Variants in FRMD4B observed in about 807,000 individuals in gnomAD.
The protein encoded by FRMD4B is FERM domain containing 4B.
FRMD4B carries 74 observed loss-of-function variants against 141.5 expected under a neutral mutation model. The observed-to-expected ratio is 0.52, with a 90% CI of 0.43 to 0.63. FRMD4B has a LOEUF of 0.63. Among genes scored for constraint, FRMD4B ranks in the 30% least tolerant of loss-of-function variants. The pLI is 0.00. For synonymous variants in FRMD4B, 506 were observed against 467.9 expected (o/e 1.08, Z -1.05); for missense variants, 1,366 against 1,253.4 (o/e 1.09, Z -1.36).
At chr3:69,239,170 C>T (rs1243879462) in intron 7 of FRMD4B, among the ~76,000 whole-genome samples, 1 of 152,164 alleles carries the variant, frequency 6.6e-6, no homozygotes, top group East Asian at 1.9e-4. Context: ...GAAGCTCAGC[C>T]TAGAAACTCA....
intron 1 of FRMD4B, among the ~76,000 whole-genome samples, chr3:69,444,131 C>CCACCAAA (rs1705379142): frequency 6.6e-6 from 1 of 152,136 alleles, no homozygotes; most frequent in Non-Finnish European, 1.5e-5. Context: ...TTCCCCATTC[C>CCACCAAA]CTAGCCCCCT....
intron 1 of FRMD4B, among the ~76,000 whole-genome samples, chr3:69,326,852 A>C (rs1702206924): frequency 6.6e-6 from 1 of 152,236 alleles, no homozygotes; most frequent in South Asian, 2.1e-4. Flanking sequence ...ATTTTCAGAA[A>C]AACATGCAGG....
At chr3:69,455,382 A>G (rs953224648) in intron 1 of FRMD4B, among the ~76,000 whole-genome samples, 2 of 152,142 alleles carry the variant, frequency 1.3e-5, no homozygotes, top group Non-Finnish European at 2.9e-5. Context: ...GAGCTGTAAC[A>G]CTCACGGCAA....
chr3:69,528,942 C>T (rs1700974399), intron 1 of FRMD4B, among the ~76,000 whole-genome samples: 1 of 152,164 alleles, frequency 6.6e-6, no homozygotes, highest in Non-Finnish European at 1.5e-5. Flanking sequence ...ATCCATAGGC[C>T]AAACCCTGTT....
intron 7 of FRMD4B, among the ~76,000 whole-genome samples, chr3:69,232,151 T>C (rs1178665043): frequency 1.3e-5 from 2 of 152,102 alleles, no homozygotes; most frequent in Non-Finnish European, 2.9e-5. Context: ...ATAAATACAC[T>C]CAAACTGACT....
chr3:69,454,067 A>T (rs977234314), intron 1 of FRMD4B, among the ~76,000 whole-genome samples: 5 of 152,220 alleles, frequency 3.3e-5, no homozygotes, highest in African/African-American at 1.2e-4. Context: ...CAAATAAATA[A>T]GAGAAGTAGA....
chr3:69,180,838 G>A, intron 21 of FRMD4B, 61 bp downstream of exon 21: 2 of 1,237,334 alleles, frequency 1.6e-6, no homozygotes, highest in East Asian at 2.3e-5. Flanking sequence ...GCGGTTTTAG[G>A]TGGGCAGGAA....
intron 2 of FRMD4B, among the ~76,000 whole-genome samples, chr3:69,417,840 G>A (rs888112795): frequency 3.9e-5 from 6 of 152,222 alleles, no homozygotes; most frequent in Non-Finnish European, 7.3e-5. Context: ...TTCCTCCAGA[G>A]GTTGTAGGGG....
chr3:69,230,391 C>T (rs1016344076), intron 7 of FRMD4B, among the ~76,000 whole-genome samples: 3 of 152,162 alleles, frequency 2.0e-5, no homozygotes, highest in Non-Finnish European at 4.4e-5. Context: ...TGGAAATTTG[C>T]ATACCCTATA....
intron 1 of FRMD4B, chr3:69,535,971 C>T (rs1324542316): frequency 7.8e-6 from 3 of 385,270 alleles, no homozygotes; most frequent in East Asian, 1.4e-4. Flanking sequence ...TTGGCTGCTC[C>T]TGCTGCCTCG....
intron 1 of FRMD4B, among the ~76,000 whole-genome samples, chr3:69,438,663 A>C (rs1490740801): frequency 1.3e-5 from 2 of 152,106 alleles, no homozygotes; most frequent in African/African-American, 4.8e-5. Context: ...GAAGCAAAAA[A>C]GTGGTCACAC....
intron 1 of FRMD4B, among the ~76,000 whole-genome samples, chr3:69,519,926 A>G (rs1700824548): frequency 1.3e-5 from 2 of 150,272 alleles, no homozygotes; most frequent in South Asian, 4.2e-4. Context: ...ACTTAGAATA[A>G]TAGTCTCCAA....
At chr3:69,294,606 C>T (rs889232579) in intron 4 of FRMD4B, among the ~76,000 whole-genome samples, 11 of 152,166 alleles carry the variant, frequency 7.2e-5, no homozygotes, top group African/African-American at 2.7e-4. Context: ...CCTGTAGAAA[C>T]CTGCCCTCTT....
At chr3:69,481,054 C>T (rs1233735461) in intron 1 of FRMD4B, among the ~76,000 whole-genome samples, 1 of 152,176 alleles carries the variant, frequency 6.6e-6, no homozygotes, top group Non-Finnish European at 1.5e-5. Flanking sequence ...GTTTTTTAAG[C>T]CCGTCGGAAA....
intron 1 of FRMD4B, among the ~76,000 whole-genome samples, chr3:69,324,255 C>G (rs1405073707): frequency 6.6e-6 from 1 of 152,190 alleles, no homozygotes; most frequent in Non-Finnish European, 1.5e-5. Context: ...GGACCTGACT[C>G]CATATTACTC....
intron 1 of FRMD4B, among the ~76,000 whole-genome samples, chr3:69,371,748 C>T (rs1703830455): frequency 1.3e-5 from 2 of 152,074 alleles, no homozygotes; most frequent in Admixed American, 1.3e-4. Context: ...ACTTCAGCAC[C>T]CGGAAGAATG....
chr3:69,510,960 G>A (rs190255290), intron 1 of FRMD4B, among the ~76,000 whole-genome samples: 1 of 152,140 alleles, frequency 6.6e-6, no homozygotes, highest in African/African-American at 2.4e-5. Context: ...TTTCCTTGCA[G>A]ACCAATAGAG....
chr3:69,374,344 C>T (rs1703910838), intron 1 of FRMD4B, among the ~76,000 whole-genome samples: 5 of 152,126 alleles, frequency 3.3e-5, no homozygotes. Context: ...TGGCTCTAGC[C>T]CATTCTATTT....
chr3:69,352,824 C>CA, intron 1 of FRMD4B, among the ~76,000 whole-genome samples: 1 of 152,268 alleles, frequency 6.6e-6, no homozygotes, highest in South Asian at 2.1e-4. Flanking sequence ...GACTGGAGGA[C>CA]AAAATTCAAT....
Sources: allele counts gnomAD v4.1 joint callset (sites outside exome capture counted in the v4.1 genomes callset), GRCh38; gene constraint gnomAD v4.1.1; transcripts MANE v1.5; gene names NCBI Gene and HGNC (gene_info 2026-07-23, HGNC 2026-07-21).